Variants in SPI1 observed in about 807,000 individuals in gnomAD.
SPI1 encodes transcription factor PU.1.
Under a neutral mutation model 30.7 loss-of-function variants are expected in SPI1, and 3 were observed. The ratio of observed to expected loss-of-function variants is 0.10; its 90% CI spans 0.04 to 0.25. SPI1 has a LOEUF of 0.25. SPI1 is among the 10% of genes least tolerant of loss of function. The probability of loss-of-function intolerance (pLI) is 1.00; values close to 1 mark genes in which losing one functional copy is unlikely to be tolerated. For synonymous variants in SPI1, 169 were observed against 157.1 expected, an observed-to-expected ratio of 1.08 and a Z score of -0.56; for missense variants, 261 against 371.5, an observed-to-expected ratio of 0.70 and a Z score of 2.45.
At chr11:47,372,176 C>T (rs562521904) in intron 2 of SPI1, among the ~76,000 whole-genome samples, 1 of 151,522 alleles carries the variant, frequency 6.6e-6, no homozygotes, top group African/African-American at 2.4e-5. Context: ...GCGATCTCAG[C>T]TCACTGCAAC....
chr11:47,373,845 T>C (rs2095939000), intron 2 of SPI1, among the ~76,000 whole-genome samples: 1 of 152,110 alleles, frequency 6.6e-6, no homozygotes, highest in Non-Finnish European at 1.5e-5. Context: ...AGGAACCTGC[T>C]TGGACCCTGA....
chr11:47,356,094 A>T (rs1313513267), intron 4 of SPI1, among the ~76,000 whole-genome samples: 1 of 149,640 alleles, frequency 6.7e-6, no homozygotes, highest in African/African-American at 2.5e-5. Context: ...TGCTTGTGCA[A>T]TGCACCCAAA....
chr11:47,372,747 C>T (rs200937543), intron 2 of SPI1, among the ~76,000 whole-genome samples: 107 of 152,266 alleles, frequency 7.0e-4, no homozygotes, highest in South Asian at 1.9e-3. Context: ...GAAGCTAGCA[C>T]GGGCCTCGTC....
At chr11:47,361,529 C>T (rs958779179) in intron 2 of SPI1, among the ~76,000 whole-genome samples, 3 of 152,162 alleles carry the variant, frequency 2.0e-5, no homozygotes, top group Admixed American at 6.5e-5. Context: ...AAAACTGCCA[C>T]ACATCTGCGG....
chr11:47,370,328 G>A (rs7928163), intron 2 of SPI1, among the ~76,000 whole-genome samples: 104,343 of 150,524 alleles, frequency 0.69, 36,205 homozygotes, highest in African/African-American at 0.77. Context: ...GCTGGAACCC[G>A]GGAAGTGGAG....
At chr11:47,358,604 G>A in intron 4 of SPI1, 3 of 704,398 alleles carry the variant, frequency 4.3e-6, no homozygotes, top group Non-Finnish European at 7.8e-6. Context: ...CACACTCATG[G>A]CACAGAGAGA....
In SPI1 at chr11:47,356,809, C is replaced by A. The variant is rs1348379730; in HGVS notation, c.494-1263G>T. ...CCTCACACACACTTGCACGCACACA[C>A]CTGCTTACACACATCTCACGTTACT... On this transcript the variant is annotated intron_variant, in intron 4 of 4. Transcript: ENST00000378538. 2.6e-5 allele frequency among the ~76,000 whole-genome samples: 4 copies of A among 151,034 alleles called. No individual in the cohort carries two copies. The South Asian group carries it at 8.4e-4, about 32-fold the overall frequency.
At chr11:47,369,417 C>A (rs2142893521) in intron 2 of SPI1, among the ~76,000 whole-genome samples, 1 of 152,148 alleles carries the variant, frequency 6.6e-6, no homozygotes, top group East Asian at 1.9e-4. Flanking sequence ...CCTCAATGTT[C>A]TTTTTTCCAG....
intron 2 of SPI1, among the ~76,000 whole-genome samples, chr11:47,366,973 G>C (rs764148958): frequency 6.6e-6 from 1 of 152,164 alleles, no homozygotes; most frequent in Non-Finnish European, 1.5e-5. Context: ...TGTAGAACCT[G>C]TGTTTTATTC....
At chr11:47,357,358 CTT>C (rs1181348504) in intron 4 of SPI1, among the ~76,000 whole-genome samples, 1 of 80,110 alleles carries the variant, frequency 1.2e-5, no homozygotes, top group Admixed American at 1.1e-4. Flanking sequence ...TTTCACACCA[CTT>C]ACACTTGCAC....
chr11:47,364,196 C>T (rs1413905187), intron 2 of SPI1, among the ~76,000 whole-genome samples: 1 of 151,542 alleles, frequency 6.6e-6, no homozygotes, highest in Non-Finnish European at 1.5e-5. Flanking sequence ...ACTACAGGTG[C>T]CTGCCACCAC....
intron 4 of SPI1, among the ~76,000 whole-genome samples, chr11:47,356,676 CCTTACAT>C (rs1197350715): frequency 6.6e-6 from 1 of 151,876 alleles, no homozygotes; most frequent in Non-Finnish European, 1.5e-5. Flanking sequence ...CACCCTCACA[CCTTACAT>C]TGCTCACCCT....
intron 4 of SPI1, among the ~76,000 whole-genome samples, chr11:47,357,480 C>T (rs1455144778): frequency 6.6e-6 from 1 of 152,014 alleles, no homozygotes; most frequent in Non-Finnish European, 1.5e-5. Flanking sequence ...CACTCAAATG[C>T]TCACACACAT....
In SPI1 at chr11:47,359,272, G is replaced by T. The variant is rs138793892; in HGVS notation, c.331-266C>A. Among the ~76,000 whole-genome samples the T allele has an allele frequency of 2.3e-3, 354 of 152,314 alleles. 2 individuals are homozygous for T. The highest frequency in any genetic ancestry group is 0.01 in the Middle Eastern group (3 of 294). On this transcript the variant is annotated intron_variant, in intron 3 of 4. Coordinates refer to ENST00000378538, the MANE Select transcript of SPI1 (RefSeq NM_003120.3). This position sits in a 1 kb window ranked among gnomAD's most constrained non-coding sequence, Gnocchi z 5.1. ...CTGGTTTAGGACTGTGGGCACCGGG[G>T]AAGTGGTGCCTTGTTCTCCTCCCTG...
Position 47,375,819 on chromosome 11 carries a change from T to G in SPI1, c.46-90A>C. ...CCCCGCACGCTGGGTCCCCATCACC[T>G]TCCCTGGCTCAGTGGCTGCGTTGGA... is the stretch of plus-strand genomic sequence containing the variant. On this transcript the variant is annotated intron_variant, in intron 1 of 4. Transcript: ENST00000378538. The surrounding 1 kb of genome is among the most constrained non-coding windows in gnomAD (Gnocchi z 4.2). 1 of 1,021,214 alleles carries G rather than the reference T, an allele frequency of 9.8e-7. No individual in the cohort carries two copies. Among genetic ancestry groups the G allele is most frequent in the Non-Finnish European group, 1.6e-6 (1 of 644,142 alleles). The allele number at this position is 1,021,214 out of a possible 1,614,324, so 63.3% of individuals were successfully genotyped here.
At chr11:47,356,430 A>T (rs571853109) in intron 4 of SPI1, among the ~76,000 whole-genome samples, 2 of 150,796 alleles carry the variant, frequency 1.3e-5, no homozygotes, top group Non-Finnish European at 3.0e-5. Context: ...GCACCCACTC[A>T]CACACATGCA....
chr11:47,371,610 T>C (rs1440099339), intron 2 of SPI1, among the ~76,000 whole-genome samples: 1 of 147,226 alleles, frequency 6.8e-6, no homozygotes, highest in African/African-American at 2.5e-5. Flanking sequence ...GAGGTTGCAG[T>C]GAGCCAAGAT....
rs2095944896 is a variant in SPI1 at position 47,378,198 on chromosome 11, T to A, written c.45+111A>T. 2.5e-6 allele frequency: 3 copies of A among 1,182,794 alleles called. No individual in the cohort carries two copies. In the South Asian group the frequency reaches 3.9e-5, roughly 15 times the overall value. 73.3% of individuals were successfully genotyped at this position (1,182,794 alleles called of 1,614,324 possible). ...GAGTTCCAGGGAGGAAACCCTGACT[T>A]CCCACTGATAGCAAGCCAGGAGGGC... On this transcript the variant is annotated intron_variant, in intron 1 of 4. Transcript: ENST00000378538.
At chr11:47,370,708 AT>A (rs1037645065) in intron 2 of SPI1, among the ~76,000 whole-genome samples, 20 of 152,208 alleles carry the variant, frequency 1.3e-4, no homozygotes, top group African/African-American at 4.6e-4. Flanking sequence ...TCATAAAAAA[AT>A]AATAATAATT....
Sources: allele counts gnomAD v4.1 joint callset (sites outside exome capture counted in the v4.1 genomes callset), GRCh38; gene constraint gnomAD v4.1.1; non-coding constraint Gnocchi (gnomAD v3.1); transcripts MANE v1.5; gene names NCBI Gene and HGNC (gene_info 2026-07-23, HGNC 2026-07-21).